SEC24D: variants seen among roughly 807,000 people sequenced by gnomAD.
SEC24D encodes SEC24 homolog D, COPII component.
Under a neutral mutation model 116.9 loss-of-function variants are expected in SEC24D, and 69 were observed. That is an observed-to-expected ratio of 0.59 (90% confidence interval 0.49 to 0.72). SEC24D has a LOEUF of 0.72. Among genes scored for constraint, SEC24D ranks in the 30% least tolerant of loss-of-function variants. The probability of loss-of-function intolerance (pLI) is 0.00; values close to 1 mark genes in which losing one functional copy is unlikely to be tolerated. For missense variants in SEC24D, 1,131 were observed against 1,264.1 expected (o/e 0.89, Z 1.60); for synonymous variants, 405 against 442.8 (o/e 0.91, Z 1.07).
chr4:118,743,972 A>T lies in SEC24D; in HGVS notation c.1995+16T>A, dbSNP rs113388058. 1.3e-6 allele frequency: 2 copies of T among 1,589,170 alleles called. No homozygotes were observed. The highest frequency in any genetic ancestry group is 8.6e-7 in the Non-Finnish European group (1 of 1,168,100). ...TGGGAGTAGAAGACCAAGGTGAACA[A>T]ATTGCTGGCATTTACCTGGAAATTG... On this transcript the variant is annotated intron_variant, in intron 15 of 22. Coordinates refer to ENST00000280551, the MANE Select transcript of SEC24D (RefSeq NM_014822.4).
chr4:118,825,687 A>G (rs1730567555), intron 2 of SEC24D: 2 of 414,964 alleles, frequency 4.8e-6, no homozygotes, highest in Admixed American at 3.4e-5. Flanking sequence ...AAAAAAGAGA[A>G]AAGAAAAAAA....
At chr4:118,775,253 G>A (rs766162724) in intron 8 of SEC24D, among the ~76,000 whole-genome samples, 56 of 150,966 alleles carry the variant, frequency 3.7e-4, no homozygotes, top group Admixed American at 2.8e-3. Flanking sequence ...GACAGGGGTC[G>A]GTCAATGGTT....
intron 6 of SEC24D, among the ~76,000 whole-genome samples, chr4:118,810,112 GT>G (rs1560736924): frequency 2.7e-5 from 4 of 149,110 alleles, no homozygotes; most frequent in East Asian, 4.0e-4. Context: ...GTGTGTGTGT[GT>G]GTGTGTGTGT....
Position 118,817,432 on chromosome 4 carries a change from T to G in SEC24D, c.249-20A>C. ...GGAAATCTGAGAGAGGAAAACAGGA[T>G]GTCAAACAATATCACAGCGTCTCAA... On this transcript the variant is annotated intron_variant, in intron 3 of 22. Coordinates refer to ENST00000280551, the MANE Select transcript of SEC24D (RefSeq NM_014822.4). 3.1e-6 allele frequency: 5 copies of G among 1,594,252 alleles called. No homozygotes were observed. Among genetic ancestry groups the G allele is most frequent in the Non-Finnish European group, 4.3e-6 (5 of 1,171,538 alleles).
At chr4:118,833,864 G>A (rs542774534) in intron 1 of SEC24D, 127 bp from the exon 2 acceptor site, 1 of 554,556 alleles carries the variant, frequency 1.8e-6, no homozygotes, top group South Asian at 2.2e-5. Context: ...AGGTACATGA[G>A]AAATCTTTGT....
intron 11 of SEC24D, among the ~76,000 whole-genome samples, chr4:118,754,806 G>A (rs1289263494): frequency 6.6e-6 from 1 of 152,016 alleles, no homozygotes; most frequent in Non-Finnish European, 1.5e-5. Context: ...GAGCTTACCA[G>A]CACACCACTA....
chr4:118,744,840 TTA>T (rs1413825612), intron 14 of SEC24D, 102 bp downstream of exon 14: 4 of 674,582 alleles, frequency 5.9e-6, no homozygotes, highest in Non-Finnish European at 1.1e-5. Flanking sequence ...TGGACTTAAT[TTA>T]TGAGATTTAG....
chr4:118,797,870 T>A, intron 7 of SEC24D, 60 bp from the exon 8 acceptor site: 1 of 1,360,928 alleles, frequency 7.3e-7, no homozygotes, highest in Non-Finnish European at 1.0e-6. Flanking sequence ...CCCTAAGATA[T>A]TCAAATATTT....
intron 1 of SEC24D, among the ~76,000 whole-genome samples, chr4:118,835,129 G>C (rs1731037435): frequency 6.6e-6 from 1 of 152,182 alleles, no homozygotes; most frequent in East Asian, 1.9e-4. Flanking sequence ...CTGAGCGCTG[G>C]TCAAGCTCAT....
intron 8 of SEC24D, among the ~76,000 whole-genome samples, chr4:118,781,405 G>C (rs1432782892): frequency 2.0e-5 from 3 of 152,182 alleles, no homozygotes; most frequent in African/African-American, 7.2e-5. Context: ...TAAGAATGTT[G>C]AATATTGGCC....
chr4:118,820,143 A>T (rs987809608), intron 3 of SEC24D, among the ~76,000 whole-genome samples: 2 of 151,950 alleles, frequency 1.3e-5, no homozygotes, highest in African/African-American at 4.8e-5. Context: ...GAGGGAAGAG[A>T]TGAAAGAACA....
rs930501098 is a variant in SEC24D, at chr4:118,723,124, T to C, written c.*391A>G. 2 of 154,422 alleles carry C rather than the reference T, an allele frequency of 1.3e-5. No individual in the cohort carries two copies. The highest frequency in any genetic ancestry group is 2.9e-5 in the Non-Finnish European group (2 of 69,344). The allele number at this position is 154,422 out of a possible 1,614,324, so 9.6% of individuals were successfully genotyped here. A position where few individuals can be genotyped will look rare whatever the true frequency, so the allele number is the denominator to read the frequency against. ...TAAGTATAATGTAAAAATTAAGCTTTTTTTTCTCATTGCAATTGGGAGAGG... is the reference window on the plus strand; with the variant it reads ...TAAGTATAATGTAAAAATTAAGCTTCTTTTTCTCATTGCAATTGGGAGAGG... On this transcript the variant is annotated 3_prime_UTR_variant, in exon 23 of 23. Transcript: ENST00000280551.
At chr4:118,748,374 T>G (rs764361848) in intron 13 of SEC24D, among the ~76,000 whole-genome samples, 1 of 152,198 alleles carries the variant, frequency 6.6e-6, no homozygotes, top group African/African-American at 2.4e-5. Flanking sequence ...TTTTTCCTTA[T>G]AAAATGGTTA....
intron 10 of SEC24D, chr4:118,758,699 A>G (rs1727232518): frequency 1.3e-5 from 2 of 152,188 alleles, no homozygotes; most frequent in African/African-American, 4.8e-5. Context: ...ATTTTCTAAA[A>G]TTGTATTTTA....
intron 19 of SEC24D, among the ~76,000 whole-genome samples, chr4:118,733,522 G>C (rs770846147): frequency 3.9e-5 from 6 of 152,124 alleles, no homozygotes; most frequent in Non-Finnish European, 5.9e-5. Context: ...ATGCCATTGT[G>C]TCATAGGTTC....
intron 7 of SEC24D, among the ~76,000 whole-genome samples, chr4:118,802,168 T>C (rs1165458502): frequency 6.6e-6 from 1 of 152,134 alleles, no homozygotes; most frequent in East Asian, 1.9e-4. Flanking sequence ...TGGACCAGAA[T>C]TGACCACACG....
At chr4:118,804,982 G>A (rs1476347890) in intron 7 of SEC24D, among the ~76,000 whole-genome samples, 1 of 151,020 alleles carries the variant, frequency 6.6e-6, no homozygotes, top group Non-Finnish European at 1.5e-5. Context: ...CTGCAGAGCC[G>A]GTCTTAGTCT....
In SEC24D at chr4:118,824,630, G is replaced by A; in HGVS notation, c.238C>T (p.Pro80Ser). Residue 80 changes from proline to serine, a missense_variant, in exon 3 of 23, where the codon CCT becomes TCT. Transcript: ENST00000280551. ...GQNGAHATGH[P>S]PQRFPGPPPV... Reference sequence around the variant, plus strand: ...ATCTACCTAGCTCACCTTTGGGGAGGGTGACCAGTGGCATGAGCTCCATTC... The same window carrying A: ...ATCTACCTAGCTCACCTTTGGGGAGAGTGACCAGTGGCATGAGCTCCATTC... 2 of 1,600,140 alleles carry A rather than the reference G, an allele frequency of 1.2e-6. No individual in the cohort carries two copies. The highest frequency in any genetic ancestry group is 1.1e-5 in the South Asian group (1 of 88,528).
At chr4:118,816,809 T>C (rs907527851) in intron 4 of SEC24D, 4 of 455,920 alleles carry the variant, frequency 8.8e-6, no homozygotes, top group Non-Finnish European at 1.8e-5. Context: ...CTATCTTCTC[T>C]TTTCTGCCTC....
Sources: gnomAD v4.1 joint callset for allele counts (sites outside exome capture counted in the v4.1 genomes callset) on GRCh38, gnomAD v4.1.1 for gene constraint, MANE v1.5 for transcripts, NCBI Gene and HGNC (gene_info 2026-07-23, HGNC 2026-07-21) for gene names.